The following TAF1 variants were observed in gnomAD, a reference collection of about 807,000 sequenced individuals.
TAF1 encodes transcription initiation factor TFIID subunit 1.
In TAF1, 2 loss-of-function variants were observed where a neutral mutation model predicts 138.5. The ratio of observed to expected loss-of-function variants is 0.01; its 90% CI spans 0.01 to 0.05. The LOEUF is 0.05. Among genes scored for constraint, TAF1 ranks in the 10% least tolerant of loss-of-function variants. TAF1 has a pLI of 1.00. For missense variants in TAF1, 709 were observed against 1,478.0 expected, an observed-to-expected ratio of 0.48 and a Z score of 8.53; for synonymous variants, 437 against 503.2, an observed-to-expected ratio of 0.87 and a Z score of 1.76.
At chrX:71,503,363 C>T (rs192128444) in intron 13 of TAF1, among the ~76,000 whole-genome samples, 2,816 of 83,219 alleles carry the variant, frequency 0.034, 152 homozygotes, top group African/African-American at 0.13. Flanking sequence ...TATATATATA[C>T]ACACACATTT....
At chrX:71,385,584 T>A (rs1421035326) in intron 14 of TAF1, among the ~76,000 whole-genome samples, 1 of 111,076 alleles carries the variant, frequency 9.0e-6, no homozygotes, top group Non-Finnish European at 1.9e-5. Flanking sequence ...GGAAAATCTC[T>A]AGCACTCTCC....
intron 13 of TAF1, among the ~76,000 whole-genome samples, chrX:71,503,324 G>GTATATATATATATATATATA (rs1425087903): frequency 1.1e-5 from 1 of 92,774 alleles, no homozygotes; most frequent in African/African-American, 4.4e-5. Flanking sequence ...ATATATATGT[G>GTATATATATATATATATATA]TGTGTATATA....
At chrX:71,369,088 G>GATCCGCCTGCCTCGGCTTCCC (rs2032814327) in intron 3 of TAF1, 1 of 109,748 alleles carries the variant, frequency 9.1e-6, no homozygotes, top group Non-Finnish European at 1.9e-5. Context: ...CTGACCTCGT[G>GATCCGCCTGCCTCGGCTTCCC]ATCCGCCTGC....
At chrX:71,425,407 G>A (rs1179828555) in intron 32 of TAF1, among the ~76,000 whole-genome samples, 2 of 111,617 alleles carry the variant, frequency 1.8e-5, no homozygotes, top group Non-Finnish European at 3.8e-5. Flanking sequence ...TGAGGTGGGA[G>A]GATTGCTTGA....
Position 71,448,054 on chromosome X carries a change from G to A in TAF1, c.4754-6116G>A, listed in dbSNP as rs375283716. On this transcript the variant is annotated intron_variant, in intron 32 of 37. Transcript: ENST00000423759. ...TCAGAAAAAACATTCCTTTTCGTGA[G>A]TGGGTAGCTTATTCTTATAGTGACA... Among the ~76,000 whole-genome samples, 3 of 112,141 alleles carry A rather than the reference G, an allele frequency of 2.7e-5. No homozygotes were observed. In the East Asian group the frequency reaches 8.4e-4, roughly 31 times the overall value.
chrX:71,400,199 C>T (rs1288325547), intron 24 of TAF1, among the ~76,000 whole-genome samples: 3 of 110,240 alleles, frequency 2.7e-5, no homozygotes, highest in East Asian at 5.7e-4. Context: ...AAGAGATTTT[C>T]GTGCCTCAGC....
intron 32 of TAF1, among the ~76,000 whole-genome samples, chrX:71,435,794 C>T (rs943635333): frequency 1.8e-5 from 2 of 110,815 alleles, no homozygotes; most frequent in African/African-American, 6.6e-5. Context: ...TCAGTCTTTT[C>T]CTATATGATT....
At chrX:71,442,069 G>A (rs992432544) in intron 32 of TAF1, among the ~76,000 whole-genome samples, 6 of 111,415 alleles carry the variant, frequency 5.4e-5, no homozygotes, top group Admixed American at 9.6e-5. Context: ...GTCTATCATC[G>A]ATGGACATTT....
chrX:71,376,805 G>A (rs1286811892), intron 4 of TAF1, 145 bp from the exon 5 acceptor site: 1 of 827,881 alleles, frequency 1.2e-6, no homozygotes, highest in Non-Finnish European at 1.7e-6. Context: ...AGTTTTCTGG[G>A]TTGCATACTA....
intron 32 of TAF1, among the ~76,000 whole-genome samples, chrX:71,429,986 A>T (rs975460810): frequency 2.7e-5 from 3 of 111,867 alleles, no homozygotes; most frequent in Non-Finnish European, 5.6e-5. Context: ...ACTCCACACA[A>T]GTTTATAAAG....
intron 32 of TAF1, among the ~76,000 whole-genome samples, chrX:71,437,741 T>C (rs1023045170): frequency 1.8e-5 from 2 of 109,737 alleles, no homozygotes; most frequent in African/African-American, 6.6e-5. Context: ...CCGATCCTGC[T>C]TGGGTCTCTT....
chrX:71,503,593 G>C (rs985301082), intron 13 of TAF1, among the ~76,000 whole-genome samples: 1 of 109,590 alleles, frequency 9.1e-6, no homozygotes, highest in Non-Finnish European at 1.9e-5. Context: ...TGTTTCACTT[G>C]CAGAATCCTC....
chrX:71,377,642 G>T lies in TAF1; in HGVS notation c.754G>T (p.Val252Phe). The T allele has an allele frequency of 8.3e-7, 1 of 1,211,565 alleles. No individual in the cohort carries two copies. The highest frequency in any genetic ancestry group is 1.1e-6 in the Non-Finnish European group (1 of 895,526). Reference protein sequence around the residue: ...FLRLFGPGKNVPSVWRSARRK... With the variant: ...FLRLFGPGKNFPSVWRSARRK... ...ACGTCTTTTTGGACCAGGGAAGAAT[G>T]TCCCATCTGTTTGGCGGAGTGCTCG... is the stretch of plus-strand genomic sequence containing the variant. The change falls in exon 6 of 38, where the codon GTC (valine) becomes TTC (phenylalanine). Residue 252 changes from valine to phenylalanine, a missense_variant. This residue lies in a region of TAF1 where 16 missense variants were observed against 42.1 expected (regional missense o/e 0.38). Transcript: ENST00000423759.
intron 32 of TAF1, among the ~76,000 whole-genome samples, chrX:71,430,385 CA>C (rs746183306): frequency 0.02 from 698 of 35,087 alleles, no homozygotes; most frequent in African/African-American, 0.033. Flanking sequence ...CTCCGTCTCA[CA>C]AAAAAAAAAA....
intron 32 of TAF1, among the ~76,000 whole-genome samples, chrX:71,430,249 C>T (rs2036810830): frequency 9.1e-6 from 1 of 109,774 alleles, no homozygotes; most frequent in Admixed American, 9.7e-5. Flanking sequence ...GGCGTGGTGG[C>T]GAGCACCTGT....
chrX:71,431,961 A>G (rs1230820406), intron 32 of TAF1, among the ~76,000 whole-genome samples: 1 of 110,439 alleles, frequency 9.1e-6, no homozygotes, highest in African/African-American at 3.3e-5. Flanking sequence ...ATGAAAGAAG[A>G]AAAACTAGGA....
chrX:71,473,158 C>A (rs2038920337), intron 13 of TAF1, among the ~76,000 whole-genome samples: 1 of 111,695 alleles, frequency 9.0e-6, no homozygotes, highest in Non-Finnish European at 1.9e-5. Flanking sequence ...TAAGCACAAA[C>A]CTGAGAGTAG....
intron 13 of TAF1, among the ~76,000 whole-genome samples, chrX:71,526,903 T>TAAAA (rs775105697): frequency 1.1e-5 from 1 of 87,840 alleles, no homozygotes; most frequent in African/African-American, 4.2e-5. Context: ...CCCAGTCTCT[T>TAAAA]AAAAAAAAAA....
At chrX:71,420,926 C>T (rs750293174) in intron 28 of TAF1, among the ~76,000 whole-genome samples, 30 of 112,645 alleles carry the variant, frequency 2.7e-4, no homozygotes, top group Admixed American at 8.4e-4. Context: ...CACAAGATGG[C>T]GCCACCGCCC....
Sources: gnomAD v4.1 joint callset for allele counts (sites outside exome capture counted in the v4.1 genomes callset) on GRCh38, gnomAD v4.1.1 for gene constraint, gnomAD v4.1.1 regional missense constraint, MANE v1.5 for transcripts, NCBI Gene and HGNC (gene_info 2026-07-23, HGNC 2026-07-21) for gene names.